NCAM2: variants seen among roughly 807,000 people sequenced by gnomAD.
NCAM2 encodes neural cell adhesion molecule 2.
In NCAM2, 30 loss-of-function variants were observed where a neutral mutation model predicts 98.1. The ratio of observed to expected loss-of-function variants is 0.31; its 90% confidence interval spans 0.23 to 0.41. The LOEUF is 0.41. NCAM2 is among the 10% of genes least tolerant of loss of function. The probability of loss-of-function intolerance (pLI) is 1.00; values close to 1 mark genes in which losing one functional copy is unlikely to be tolerated. For missense variants in NCAM2, 867 were observed against 1,005.8 expected, an observed-to-expected ratio of 0.86 and a Z score of 1.87; for synonymous variants, 368 against 342.4, an observed-to-expected ratio of 1.07 and a Z score of -0.83.
intron 1 of NCAM2, among the ~76,000 whole-genome samples, chr21:21,061,311 G>A (rs1320508483): frequency 6.6e-6 from 1 of 152,144 alleles, no homozygotes; most frequent in African/African-American, 2.4e-5. Flanking sequence ...TAATTACAAC[G>A]TGGCTGCTAT....
Position 21,416,858 on chromosome 21 carries a change from A to G in NCAM2, c.1384-1615A>G, listed in dbSNP as rs534898611. Among the ~76,000 whole-genome samples the G allele has an allele frequency of 4.3e-4, 66 of 152,150 alleles. No individual in the cohort carries two copies. In the South Asian group the frequency reaches 0.012, roughly 29 times the overall value. On this transcript the variant is annotated intron_variant, in intron 10 of 17. Transcript: ENST00000400546. ...ATACATCAAATAAGCTTCAGGGTAC[A>G]TGATTTGGCCAGATTATATCTAGAG...
At chr21:21,019,969 T>C (rs1185463834) in intron 1 of NCAM2, among the ~76,000 whole-genome samples, 3 of 152,188 alleles carry the variant, frequency 2.0e-5, no homozygotes, top group Non-Finnish European at 4.4e-5. Flanking sequence ...GTTTATTAAC[T>C]GACTAACTGC....
intron 1 of NCAM2, among the ~76,000 whole-genome samples, chr21:21,122,833 G>A (rs2066703516): frequency 6.6e-6 from 1 of 152,178 alleles, no homozygotes; most frequent in Admixed American, 6.5e-5. Flanking sequence ...GTCATCCAGA[G>A]TTCAGAGAGA....
At chr21:21,327,723 A>G (rs232479) in intron 6 of NCAM2, among the ~76,000 whole-genome samples, 65,804 of 152,022 alleles carry the variant, frequency 0.43, 14,464 homozygotes, top group East Asian at 0.59. Flanking sequence ...TTTAAACTTA[A>G]TGTCCTCCAT....
At chr21:21,205,185 T>C (rs2069389878) in intron 1 of NCAM2, among the ~76,000 whole-genome samples, 1 of 152,174 alleles carries the variant, frequency 6.6e-6, no homozygotes, top group Non-Finnish European at 1.5e-5. Flanking sequence ...CCGACAAAAA[T>C]TAAATATATT....
intron 9 of NCAM2, among the ~76,000 whole-genome samples, chr21:21,405,472 A>G (rs1270837418): frequency 1.3e-5 from 2 of 152,164 alleles, no homozygotes; most frequent in Non-Finnish European, 1.5e-5. Context: ...AAAATTATAC[A>G]GTAAAAGTAT....
At chr21:21,402,470 C>T (rs913341798) in intron 9 of NCAM2, among the ~76,000 whole-genome samples, 4 of 152,118 alleles carry the variant, frequency 2.6e-5, no homozygotes, top group Non-Finnish European at 5.9e-5. Flanking sequence ...CTCTCAAACC[C>T]TGTTTTCTGT....
intron 12 of NCAM2, among the ~76,000 whole-genome samples, chr21:21,447,698 G>GA (rs111226167): frequency 1.9e-3 from 291 of 151,928 alleles, no homozygotes; most frequent in Non-Finnish European, 3.2e-3. Flanking sequence ...AAATTTACAA[G>GA]AAAAAAACAA....
At chr21:21,516,911 C>A (rs114976711) in intron 16 of NCAM2, among the ~76,000 whole-genome samples, 2,519 of 152,240 alleles carry the variant, frequency 0.017, 70 homozygotes, top group African/African-American at 0.056. Flanking sequence ...CTCCTCAGTT[C>A]TCTTTCTTTA....
intron 1 of NCAM2, among the ~76,000 whole-genome samples, chr21:21,083,839 G>T (rs1234648560): frequency 6.6e-6 from 1 of 152,076 alleles, no homozygotes; most frequent in Non-Finnish European, 1.5e-5. Context: ...TTGGAAAATG[G>T]TAATGTAATA....
At position 21,194,095 on chromosome 21, in the gene NCAM2, G is replaced by A. The variant is rs150334796; in HGVS notation, c.56-86483G>A. On this transcript the variant is annotated intron_variant, in intron 1 of 17. Coordinates refer to ENST00000400546, the MANE Select transcript of NCAM2 (RefSeq NM_004540.5). ...CGTACAACCTACATTTAATCTTATCGTTAGAAATACGTTCTTAATGTATAG... is the reference window on the plus strand; with the variant it reads ...CGTACAACCTACATTTAATCTTATCATTAGAAATACGTTCTTAATGTATAG... 4.6e-3 allele frequency among the ~76,000 whole-genome samples: 705 copies of A among 152,092 alleles called. 9 individuals are homozygous for A. Among genetic ancestry groups the A allele is most frequent in the African/African-American group, 0.015 (637 of 41,488 alleles).
chr21:21,375,258 A>G (rs1305226337), intron 9 of NCAM2, among the ~76,000 whole-genome samples: 3 of 151,564 alleles, frequency 2.0e-5, no homozygotes, highest in Admixed American at 6.6e-5. Context: ...TTGTTAAACT[A>G]TACAATTCCT....
At chr21:21,195,616 G>A (rs1460121584) in intron 1 of NCAM2, among the ~76,000 whole-genome samples, 2 of 152,128 alleles carry the variant, frequency 1.3e-5, no homozygotes, top group Admixed American at 6.5e-5. Flanking sequence ...TAAGTAAAAA[G>A]CAAAATCTAG....
intron 1 of NCAM2, among the ~76,000 whole-genome samples, chr21:21,237,380 G>A (rs766883370): frequency 6.6e-6 from 1 of 152,074 alleles, no homozygotes; most frequent in East Asian, 1.9e-4. Context: ...GTAAAACTCT[G>A]GGCAGGTTTA....
chr21:21,414,594 C>G (rs1002448911), intron 10 of NCAM2, among the ~76,000 whole-genome samples: 1 of 151,868 alleles, frequency 6.6e-6, no homozygotes, highest in Admixed American at 6.6e-5. Flanking sequence ...CTCACCCTCC[C>G]GAGTAGCTGG....
At chr21:21,137,368 G>A (rs1202657129) in intron 1 of NCAM2, among the ~76,000 whole-genome samples, 1 of 152,094 alleles carries the variant, frequency 6.6e-6, no homozygotes, top group East Asian at 1.9e-4. Flanking sequence ...TCACAATACA[G>A]CACACTTAAA....
intron 8 of NCAM2, among the ~76,000 whole-genome samples, chr21:21,351,212 A>C (rs929233450): frequency 1.8e-4 from 28 of 151,754 alleles, no homozygotes; most frequent in African/African-American, 6.8e-4. Context: ...GTTGTCACTA[A>C]CTTTTAATTA....
chr21:21,060,978 A>T (rs2065309400), intron 1 of NCAM2, among the ~76,000 whole-genome samples: 1 of 152,114 alleles, frequency 6.6e-6, no homozygotes, highest in Admixed American at 6.6e-5. Flanking sequence ...TAAAATGAAG[A>T]TTGTATGTGA....
intron 3 of NCAM2, among the ~76,000 whole-genome samples, chr21:21,285,181 A>G (rs939363063): frequency 2.0e-5 from 3 of 151,920 alleles, no homozygotes; most frequent in Non-Finnish European, 4.4e-5. Context: ...AGTACTTACA[A>G]CAATGCCTTA....
Sources: allele counts gnomAD v4.1 joint callset (sites outside exome capture counted in the v4.1 genomes callset), GRCh38; gene constraint gnomAD v4.1.1; transcripts MANE v1.5; gene names NCBI Gene and HGNC (gene_info 2026-07-23, HGNC 2026-07-21).